TAOK3: variants seen among roughly 807,000 people sequenced by gnomAD.
The protein encoded by TAOK3 is TAO kinase 3, also known as serine/threonine-protein kinase TAO3.
A neutral mutation model predicts 120.4 loss-of-function variants in TAOK3; 40 were observed. The ratio of observed to expected loss-of-function variants is 0.33; its 90% CI spans 0.26 to 0.43. The LOEUF (loss-of-function observed/expected upper bound fraction) is 0.43. Among genes scored for constraint, TAOK3 ranks in the 20% least tolerant of loss-of-function variants. The pLI, the probability that TAOK3 is intolerant of heterozygous loss-of-function variation, is 1.00. For synonymous variants in TAOK3, 355 were observed against 387.5 expected (o/e 0.92, Z 0.99); for missense variants, 821 against 1,112.1 (o/e 0.74, Z 3.72).
intron 5 of TAOK3, among the ~76,000 whole-genome samples, chr12:118,243,018 G>C (rs1177729337): frequency 6.6e-6 from 1 of 151,902 alleles, no homozygotes; most frequent in Non-Finnish European, 1.5e-5. Flanking sequence ...CCCCTGTTTG[G>C]TAAAAATCAC....
At chr12:118,290,917 G>A (rs951381808) in intron 1 of TAOK3, among the ~76,000 whole-genome samples, 2 of 150,476 alleles carry the variant, frequency 1.3e-5, no homozygotes, top group Admixed American at 1.3e-4. Context: ...TTCCTGAGAC[G>A]GAGTCTGTTG....
intron 1 of TAOK3, among the ~76,000 whole-genome samples, chr12:118,306,155 A>T (rs7295209): frequency 0.014 from 2,114 of 152,140 alleles, 54 homozygotes; most frequent in African/African-American, 0.048. Flanking sequence ...CTTTTATTTT[A>T]GGTTTGGGGC....
At position 118,268,375 on chromosome 12, in the gene TAOK3, A is replaced by G. The variant is rs142313052; in HGVS notation, c.-193-1616T>C. 1.4e-4 allele frequency among the ~76,000 whole-genome samples: 21 copies of G among 152,352 alleles called. 2 individuals carry two copies. The East Asian group carries it at 4.1e-3, about 29-fold the overall frequency. On this transcript the variant is annotated intron_variant, in intron 1 of 20. Transcript: ENST00000392533. ...TTTAGATGCTTGACTAGCATTGTAG[A>G]TGAAGGCCTTACAGGAAAAAACTAG...
At chr12:118,205,777 C>G (rs150234005) in intron 11 of TAOK3, among the ~76,000 whole-genome samples, 1 of 151,960 alleles carries the variant, frequency 6.6e-6, no homozygotes, top group African/African-American at 2.4e-5. Flanking sequence ...CGCCCAACTA[C>G]TTTTTGTATT....
rs1049977475 is a variant in TAOK3 at position 118,286,829 on chromosome 12, C to T, written c.-193-20070G>A. Reference sequence around the variant, plus strand: ...ATGTGGAACCAATCCAAATGCCCATCAATCAATGAGTGGATAAAGAAACTG... The same window carrying T: ...ATGTGGAACCAATCCAAATGCCCATTAATCAATGAGTGGATAAAGAAACTG... On this transcript the variant is annotated intron_variant, in intron 1 of 20. Transcript: ENST00000392533. Among the ~76,000 whole-genome samples the T allele has an allele frequency of 3.3e-5, 5 of 152,288 alleles. No individual in the cohort carries two copies. The South Asian group carries it at 1.0e-3, about 32-fold the overall frequency.
intron 1 of TAOK3, among the ~76,000 whole-genome samples, chr12:118,293,676 A>C (rs1249810441): frequency 1.3e-5 from 2 of 150,030 alleles, no homozygotes; most frequent in Non-Finnish European, 3.0e-5. Flanking sequence ...TCTGTCTCAA[A>C]AAAAAAAAGG....
intron 1 of TAOK3, among the ~76,000 whole-genome samples, chr12:118,286,175 G>A (rs551674242): frequency 1.9e-4 from 29 of 152,198 alleles, no homozygotes; most frequent in South Asian, 1.0e-3. Context: ...TTTATAATCC[G>A]AATTTTAGAT....
intron 1 of TAOK3, among the ~76,000 whole-genome samples, chr12:118,285,303 A>T (rs928529113): frequency 6.6e-6 from 1 of 152,060 alleles, no homozygotes; most frequent in African/African-American, 2.4e-5. Context: ...TCAGCCTCCC[A>T]AAATGCTGGG....
chr12:118,363,952 T>C (rs1779382305), intron 1 of TAOK3, among the ~76,000 whole-genome samples: 1 of 152,020 alleles, frequency 6.6e-6, no homozygotes, highest in Admixed American at 6.5e-5. Flanking sequence ...AGAAACCTTG[T>C]CTCTACTAAA....
intron 14 of TAOK3, among the ~76,000 whole-genome samples, chr12:118,184,911 C>T (rs2036981515): frequency 6.6e-6 from 1 of 152,164 alleles, no homozygotes; most frequent in Admixed American, 6.5e-5. Context: ...CACTGTCTTC[C>T]TCAGGGTCAG....
At chr12:118,273,023 T>C (rs1410099437) in intron 1 of TAOK3, among the ~76,000 whole-genome samples, 1 of 152,070 alleles carries the variant, frequency 6.6e-6, no homozygotes, top group East Asian at 1.9e-4. Flanking sequence ...AGAAATTTAT[T>C]CTCCTGAACC....
At chr12:118,198,647 A>G in intron 13 of TAOK3, 1 of 216,616 alleles carries the variant, frequency 4.6e-6, no homozygotes, top group Non-Finnish European at 9.4e-6. Context: ...TAGGCCTCCC[A>G]AAGGGCTGGG....
chr12:118,323,720 T>C (rs1038739175), intron 1 of TAOK3, among the ~76,000 whole-genome samples: 1 of 152,164 alleles, frequency 6.6e-6, no homozygotes, highest in African/African-American at 2.4e-5. Flanking sequence ...GTATATGTCA[T>C]AAAATCTCAT....
chr12:118,182,998 C>T (rs554539642), intron 14 of TAOK3, among the ~76,000 whole-genome samples: 1 of 152,158 alleles, frequency 6.6e-6, no homozygotes, highest in African/African-American at 2.4e-5. Context: ...TATCTTCTCT[C>T]TTTATTTTCC....
chr12:118,177,712 A>C (rs1209309315), intron 15 of TAOK3, among the ~76,000 whole-genome samples: 2 of 151,908 alleles, frequency 1.3e-5, no homozygotes, highest in Non-Finnish European at 2.9e-5. Context: ...AATCCCAGCT[A>C]CTCTGGAGGC....
rs567546820 is a variant in TAOK3, at chr12:118,325,543, T to C, written c.-194+47105A>G. On this transcript the variant is annotated intron_variant, in intron 1 of 20. Transcript: ENST00000392533. ...TATGTCTTCTTTTGAGAAATGTCTA[T>C]TCAGATCTTTTGCCCATTTTAAAAT... Among the ~76,000 whole-genome samples, 5 of 152,330 alleles carry C rather than the reference T, an allele frequency of 3.3e-5. No homozygotes were observed. The East Asian group carries it at 5.8e-4, about 18-fold the overall frequency.
intron 1 of TAOK3, among the ~76,000 whole-genome samples, chr12:118,273,199 G>A (rs1028098939): frequency 6.6e-6 from 1 of 151,810 alleles, no homozygotes; most frequent in African/African-American, 2.4e-5. Flanking sequence ...ACAAATTTGA[G>A]GGCCTCTTTA....
At chr12:118,275,814 C>A (rs910810164) in intron 1 of TAOK3, among the ~76,000 whole-genome samples, 2 of 151,992 alleles carry the variant, frequency 1.3e-5, no homozygotes, top group Admixed American at 1.3e-4. Context: ...TGAAACAGGG[C>A]CAGCAGGCAG....
chr12:118,280,282 A>C (rs2140410849), intron 1 of TAOK3, among the ~76,000 whole-genome samples: 1 of 151,908 alleles, frequency 6.6e-6, no homozygotes, highest in East Asian at 1.9e-4. Flanking sequence ...GCTGGTCTAG[A>C]ACTCCTGACC....
Sources: allele counts gnomAD v4.1 joint callset (sites outside exome capture counted in the v4.1 genomes callset), GRCh38; gene constraint gnomAD v4.1.1; transcripts MANE v1.5; gene names NCBI Gene and HGNC (gene_info 2026-07-23, HGNC 2026-07-21).